Variants in MSANTD2 observed in about 807,000 individuals in gnomAD.
The protein encoded by MSANTD2 is Myb/SANT DNA binding domain containing 2.
MSANTD2 carries 19 observed loss-of-function variants against 52.6 expected under a neutral mutation model. The observed-to-expected ratio is 0.36, with a 90% confidence interval of 0.25 to 0.53. MSANTD2 has a LOEUF of 0.53. Among genes scored for constraint, MSANTD2 ranks in the 20% least tolerant of loss-of-function variants. MSANTD2 has a pLI of 0.91. For missense variants in MSANTD2, 558 were observed against 716.3 expected (o/e 0.78, Z 2.52); for synonymous variants, 291 against 289.7 (o/e 1.00, Z -0.04).
intron 1 of MSANTD2, chr11:124,790,171 A>C (rs973913791): frequency 6.6e-6 from 1 of 152,232 alleles, no homozygotes; most frequent in Non-Finnish European, 1.5e-5. Flanking sequence ...ACTGGATCTG[A>C]ATTTTAGTTC....
At chr11:124,780,015 C>A (rs906351704) in intron 1 of MSANTD2, among the ~76,000 whole-genome samples, 1 of 152,156 alleles carries the variant, frequency 6.6e-6, no homozygotes, top group African/African-American at 2.4e-5. Flanking sequence ...ACTATTGTAA[C>A]TGTTAAAACT....
At position 124,800,093 on chromosome 11, in the gene MSANTD2, G is replaced by A. The variant is rs1368565317; in HGVS notation, c.288C>T (p.Ala96=). The part of the protein sequence containing the change: ...GGGGGAAAAA[A]AACRGMSWTP... Reference sequence around the variant, plus strand: ...TCCACGACATGCCCCGGCAGGCGGCGGCGGCGGCTGCCGCAGCCCCGCCAC... The same window carrying A: ...TCCACGACATGCCCCGGCAGGCGGCAGCGGCGGCTGCCGCAGCCCCGCCAC... The change falls in exon 1 of 4, where the codon GCC becomes GCT. Residue 96 remains alanine, a synonymous_variant. Coordinates refer to ENST00000374979, the MANE Select transcript of MSANTD2 (RefSeq NM_001308027.2). The surrounding 1 kb of genome is among the most constrained non-coding windows in gnomAD (Gnocchi z 4.3). 1.3e-5 allele frequency: 19 copies of A among 1,485,204 alleles called. No individual in the cohort carries two copies. Among genetic ancestry groups the A allele is most frequent in the Non-Finnish European group, 1.7e-5 (19 of 1,127,596 alleles). 92.0% of individuals were successfully genotyped at this position (1,485,204 alleles called of 1,614,324 possible). A position where few individuals can be genotyped will look rare whatever the true frequency, so the allele number is the denominator to read the frequency against.
chr11:124,795,509 C>T lies in MSANTD2; in HGVS notation c.510+4362G>A, dbSNP rs566054106. On this transcript the variant is annotated intron_variant, in intron 1 of 3. Coordinates refer to ENST00000374979, the MANE Select transcript of MSANTD2 (RefSeq NM_001308027.2). The stretch of plus-strand genomic sequence containing the variant: ...ATGGCCAGCGATGAGACTGGTCACT[C>T]CTTTGAAGTCATCACACTTATAGTC... Among the ~76,000 whole-genome samples the T allele has an allele frequency of 3.3e-5, 5 of 152,264 alleles. No homozygotes were observed. The South Asian group carries it at 1.0e-3, about 32-fold the overall frequency.
At chr11:124,770,456 C>T (rs923172488) in intron 3 of MSANTD2, among the ~76,000 whole-genome samples, 8 of 152,016 alleles carry the variant, frequency 5.3e-5, no homozygotes, top group African/African-American at 1.9e-4. Flanking sequence ...TGCCACTATA[C>T]CCAGTGAATT....
chr11:124,789,111 G>A (rs895394503), intron 1 of MSANTD2: 5 of 152,148 alleles, frequency 3.3e-5, no homozygotes, highest in African/African-American at 9.7e-5. Flanking sequence ...TTAAGATGGT[G>A]TATAGGTAGT....
chr11:124,769,987 T>C (rs746707099), intron 3 of MSANTD2, among the ~76,000 whole-genome samples: 11 of 152,240 alleles, frequency 7.2e-5, no homozygotes, highest in Non-Finnish European at 1.3e-4. Flanking sequence ...GAAGCTGATT[T>C]GGGCTCAAGA....
intron 1 of MSANTD2, chr11:124,790,821 A>T (rs1171218644): frequency 4.7e-5 from 8 of 170,206 alleles, no homozygotes; most frequent in African/African-American, 1.4e-4. Context: ...CCTTTATCTC[A>T]AAGCTTAGGC....
chr11:124,772,969 C>A, intron 3 of MSANTD2, 25 bp downstream of exon 3: 1 of 1,454,252 alleles, frequency 6.9e-7, no homozygotes, highest in South Asian at 1.1e-5. Context: ...GACACACTTT[C>A]TGGAAAGGTG....
At chr11:124,791,467 G>A (rs928532893) in intron 1 of MSANTD2, 89 of 1,148,322 alleles carry the variant, frequency 7.8e-5, no homozygotes, top group Middle Eastern at 4.3e-4. Flanking sequence ...TGCACTGGGA[G>A]GTCAGGCGAG....
rs1442818998 is a variant in MSANTD2 at position 124,770,779 on chromosome 11, G to GTTT, written c.827+2214_827+2215insAAA. Reference sequence around the variant, plus strand: ...TGCCACCACGCCCAGCTAATTTTTTGGTTTTTTTTTTTTTTTTTGAGACAG... The same window carrying GTTT: ...TGCCACCACGCCCAGCTAATTTTTTGTTTGTTTTTTTTTTTTTTTTTGAGACAG... On this transcript the variant is annotated intron_variant, in intron 3 of 3. Transcript: ENST00000374979. 3.7e-5 allele frequency among the ~76,000 whole-genome samples: 5 copies of GTTT among 134,014 alleles called. No individual in the cohort carries two copies. In the East Asian group the frequency reaches 1.0e-3, roughly 27 times the overall value. 87.9% of individuals were successfully genotyped at this position (134,014 alleles called of 152,430 possible). A position where few individuals can be genotyped will look rare whatever the true frequency, so the allele number is the denominator to read the frequency against.
intron 1 of MSANTD2, among the ~76,000 whole-genome samples, chr11:124,777,451 C>T (rs964629973): frequency 4.6e-5 from 7 of 152,184 alleles, no homozygotes; most frequent in East Asian, 1.9e-4. Context: ...CAATCTCTGG[C>T]GATAGACATG....
rs979663068 is a variant in MSANTD2 at position 124,800,220 on chromosome 11, C to T, written c.161G>A (p.Ser54Asn). ...PRGASPLGPG[S>N]AAGSGAAASG... ...CGCCGCTGCCCCCGAGCCCGCCGCACTGCCCGGCCCGAGCGGGGAGGCACC... is the reference window on the plus strand; with the variant it reads ...CGCCGCTGCCCCCGAGCCCGCCGCATTGCCCGGCCCGAGCGGGGAGGCACC... The change falls in exon 1 of 4, where the codon AGT (serine) becomes AAT (asparagine). Residue 54 changes from serine (S) to asparagine (N), a missense_variant. Transcript: ENST00000374979. The surrounding 1 kb of genome is among the most constrained non-coding windows in gnomAD (Gnocchi z 4.3). The T allele has an allele frequency of 6.0e-6, 9 of 1,505,804 alleles. No individual in the cohort carries two copies. Among genetic ancestry groups the T allele is most frequent in the African/African-American group, 5.8e-5 (4 of 68,834 alleles). The allele number at this position is 1,505,804 out of a possible 1,614,324, so 93.3% of individuals were successfully genotyped here. A position where few individuals can be genotyped will look rare whatever the true frequency, so the allele number is the denominator to read the frequency against.
intron 1 of MSANTD2, among the ~76,000 whole-genome samples, chr11:124,776,412 C>T (rs987605897): frequency 6.6e-6 from 1 of 152,250 alleles, no homozygotes; most frequent in African/African-American, 2.4e-5. Context: ...ATTCTCCTGC[C>T]TCAGCCTCCC....
In MSANTD2 at chr11:124,767,106, G is replaced by A; in HGVS notation, c.*70C>T. On this transcript the variant is annotated 3_prime_UTR_variant, in exon 4 of 4. Coordinates refer to ENST00000374979, the MANE Select transcript of MSANTD2 (RefSeq NM_001308027.2). This position sits in a 1 kb window ranked among gnomAD's most constrained non-coding sequence, Gnocchi z 6.5. ...TCTGACGGCGGCATCTGGATGAGGGGTGGTCCGGGTAATGGGAAGTGAGTA... is the reference window on the plus strand; with the variant it reads ...TCTGACGGCGGCATCTGGATGAGGGATGGTCCGGGTAATGGGAAGTGAGTA... 1.4e-6 allele frequency: 2 copies of A among 1,456,170 alleles called. No homozygotes were observed. The allele number at this position is 1,456,170 out of a possible 1,614,324, so 90.2% of individuals were successfully genotyped here.
chr11:124,774,769 C>T lies in MSANTD2; in HGVS notation c.716G>A (p.Trp239Ter). 1 of 1,614,170 alleles carries T rather than the reference C, an allele frequency of 6.2e-7. No individual in the cohort carries two copies. The highest frequency in any genetic ancestry group is 8.5e-7 in the Non-Finnish European group (1 of 1,180,028). Residue 239 changes from tryptophan to a stop codon, truncating the protein, a stop_gained, in exon 2 of 4, where the codon TGG (tryptophan) becomes TAG (stop). Coordinates refer to ENST00000374979, the MANE Select transcript of MSANTD2 (RefSeq NM_001308027.2). LOFTEE classifies it high-confidence loss of function. This position sits in a 1 kb window ranked among gnomAD's most constrained non-coding sequence, Gnocchi z 5.1. ...ATGGAGATCCTGACTGTGGTTTCCC[C>T]AGTCCTCCTGTGAATAGTCCTCCAT... ...STMEDYSQED[W>*]GNHSQDLHGY... is the part of the protein sequence containing the mutation.
intron 1 of MSANTD2, among the ~76,000 whole-genome samples, chr11:124,787,528 G>GCAC (rs569732501): frequency 5.9e-5 from 9 of 152,128 alleles, no homozygotes; most frequent in Non-Finnish European, 1.3e-4. Flanking sequence ...CTATAGGTGT[G>GCAC]CACCACCAAA....
intron 1 of MSANTD2, among the ~76,000 whole-genome samples, chr11:124,785,299 T>G (rs1945122713): frequency 6.6e-6 from 1 of 152,194 alleles, no homozygotes; most frequent in Admixed American, 6.5e-5. Flanking sequence ...GCTAAGCAAT[T>G]TACATGATCA....
intron 1 of MSANTD2, chr11:124,784,287 G>A: frequency 1.0e-6 from 1 of 985,202 alleles, no homozygotes; most frequent in Non-Finnish European, 1.2e-6. Flanking sequence ...TCACACCTTG[G>A]GGGACTACAT....
rs548599271 is a variant in MSANTD2 at position 124,794,789 on chromosome 11, T to TG, written c.510+5081dup. 4.3e-4 allele frequency among the ~76,000 whole-genome samples: 66 copies of TG among 152,348 alleles called. 2 individuals carry two copies. The South Asian group carries it at 0.013, about 31-fold the overall frequency. On this transcript the variant is annotated intron_variant, in intron 1 of 3. Coordinates refer to ENST00000374979, the MANE Select transcript of MSANTD2 (RefSeq NM_001308027.2). ...TAGAGTACAAAATTTGTTCCAAAGA[T>TG]GATGACAATTACTGATGAATAAATC... is the stretch of plus-strand genomic sequence containing the variant.
Sources: allele counts gnomAD v4.1 joint callset (sites outside exome capture counted in the v4.1 genomes callset), GRCh38; gene constraint gnomAD v4.1.1; non-coding constraint Gnocchi (gnomAD v3.1); transcripts MANE v1.5; gene names NCBI Gene and HGNC (gene_info 2026-07-23, HGNC 2026-07-21).